TYW1B: variants seen among roughly 807,000 people sequenced by gnomAD.
The protein encoded by TYW1B is tRNA-yW synthesizing protein 1 homolog B, also known as S-adenosyl-L-methionine-dependent tRNA 4-demethylwyosine synthase TYW1B.
TYW1B carries 73 observed loss-of-function variants against 86.9 expected under a neutral mutation model. The observed-to-expected ratio is 0.84, with a 90% CI of 0.70 to 1.02. TYW1B has a LOEUF of 1.02. Ranked by LOEUF, TYW1B falls within the 50% of genes least tolerant of loss-of-function variation. The pLI, the probability that TYW1B is intolerant of heterozygous loss-of-function variation, is 0.00. For missense variants in TYW1B, 637 were observed against 827.4 expected, an observed-to-expected ratio of 0.77 and a Z score of 2.82; for synonymous variants, 248 against 292.8, an observed-to-expected ratio of 0.85 and a Z score of 1.56.
intron 13 of TYW1B, among the ~76,000 whole-genome samples, chr7:72,582,183 T>C (rs1431057461): frequency 3.3e-5 from 5 of 151,686 alleles, no homozygotes; most frequent in Non-Finnish European, 7.4e-5. Flanking sequence ...GAAGAGAGGA[T>C]ATATTCGTTG....
chr7:72,818,056 A>G (rs1181170904), intron 2 of TYW1B, among the ~76,000 whole-genome samples: 1 of 148,330 alleles, frequency 6.7e-6, no homozygotes, highest in Non-Finnish European at 1.5e-5. Flanking sequence ...TTCTTGCCCT[A>G]TCAGTTCATA....
chr7:72,586,739 AAATAATAAT>A (rs375819364), intron 13 of TYW1B, among the ~76,000 whole-genome samples: 106 of 148,656 alleles, frequency 7.1e-4, no homozygotes, highest in Admixed American at 5.3e-3. Flanking sequence ...GCCCATCTCA[AAATAATAAT>A]AATAATAATA....
At chr7:72,653,463 C>G (rs1312638771) in intron 11 of TYW1B, among the ~76,000 whole-genome samples, 8 of 151,998 alleles carry the variant, frequency 5.3e-5, no homozygotes, top group Non-Finnish European at 1.5e-5. Context: ...AAAAATTAGC[C>G]AGGCGTGGTG....
chr7:72,801,375 A>T (rs1788401545), intron 6 of TYW1B, among the ~76,000 whole-genome samples: 1 of 152,180 alleles, frequency 6.6e-6, no homozygotes, highest in Non-Finnish European at 1.5e-5. Flanking sequence ...TTGATCCTTT[A>T]TGTAGCTAGT....
Position 72,663,761 on chromosome 7 carries a change from C to CAAA in TYW1B, c.1506+30923_1506+30925dup, listed in dbSNP as rs1177247717. On this transcript the variant is annotated intron_variant, in intron 11 of 13. Coordinates refer to ENST00000620995, the MANE Select transcript of TYW1B (RefSeq NM_001145440.3). ...CCTGGGAGACAGCAAGACTCCATCTCAAAAAAAAAAAAAAAAAAAAAAAAT... is the reference window on the plus strand; with the variant it reads ...CCTGGGAGACAGCAAGACTCCATCTCAAAAAAAAAAAAAAAAAAAAAAAAAAAT... Among the ~76,000 whole-genome samples the CAAA allele has an allele frequency of 1.6e-3, 93 of 57,484 alleles. 1 individual carries two copies. Among genetic ancestry groups the CAAA allele is most frequent in the South Asian group, 2.9e-3 (3 of 1,040 alleles). 37.7% of individuals were successfully genotyped at this position (57,484 alleles called of 152,430 possible). A position where few individuals can be genotyped will look rare whatever the true frequency, so the allele number is the denominator to read the frequency against.
intron 13 of TYW1B, among the ~76,000 whole-genome samples, chr7:72,613,273 CTT>C (rs1162280112): frequency 6.6e-6 from 1 of 151,800 alleles, no homozygotes; most frequent in African/African-American, 2.4e-5. Flanking sequence ...TAAGGACAGT[CTT>C]TGCATTTTTA....
intron 4 of TYW1B, among the ~76,000 whole-genome samples, chr7:72,808,793 C>T (rs1788543577): frequency 6.6e-6 from 1 of 152,058 alleles, no homozygotes; most frequent in Non-Finnish European, 1.5e-5. Flanking sequence ...TCCCAAAGTG[C>T]TGGCATTACA....
At chr7:72,713,275 G>A (rs576539445) in intron 10 of TYW1B, among the ~76,000 whole-genome samples, 3 of 140,030 alleles carry the variant, frequency 2.1e-5, no homozygotes, top group East Asian at 2.2e-4. Flanking sequence ...CACTCAAGCC[G>A]GGGAGACAGA....
At chr7:72,586,895 C>A (rs1481000600) in intron 13 of TYW1B, among the ~76,000 whole-genome samples, 1 of 151,996 alleles carries the variant, frequency 6.6e-6, no homozygotes, top group African/African-American at 2.4e-5. Flanking sequence ...GGGTAAAATT[C>A]ATCTATCTGC....
At chr7:72,607,466 AAG>A (rs1476230369) in intron 13 of TYW1B, among the ~76,000 whole-genome samples, 2 of 151,482 alleles carry the variant, frequency 1.3e-5, no homozygotes, top group Non-Finnish European at 2.9e-5. Flanking sequence ...GAAGAAAGAA[AAG>A]AGAAGAAGGA....
intron 11 of TYW1B, among the ~76,000 whole-genome samples, chr7:72,692,031 C>A (rs1814178077): frequency 6.6e-6 from 1 of 151,192 alleles, no homozygotes; most frequent in African/African-American, 2.4e-5. Context: ...CATGGTGAAA[C>A]CCCATCTCTA....
At chr7:72,718,606 C>T (rs1355298848) in intron 9 of TYW1B, among the ~76,000 whole-genome samples, 2 of 151,942 alleles carry the variant, frequency 1.3e-5, no homozygotes, top group African/African-American at 4.8e-5. Flanking sequence ...GAATGTATTT[C>T]GTGTCAGTAT....
intron 11 of TYW1B, among the ~76,000 whole-genome samples, chr7:72,657,021 A>G (rs1346604441): frequency 6.6e-6 from 1 of 152,208 alleles, no homozygotes; most frequent in Non-Finnish European, 1.5e-5. Context: ...TCCAAAGGAA[A>G]ATCGTAATTC....
At chr7:72,667,048 A>AAAG (rs1554445447) in intron 11 of TYW1B, among the ~76,000 whole-genome samples, 1 of 131,370 alleles carries the variant, frequency 7.6e-6, no homozygotes, top group Non-Finnish European at 1.6e-5. Flanking sequence ...AAAAAAAAAA[A>AAAG]AAAGAAACTA....
At chr7:72,639,415 C>T (rs1446491102) in intron 11 of TYW1B, among the ~76,000 whole-genome samples, 6 of 152,054 alleles carry the variant, frequency 3.9e-5, no homozygotes, top group Admixed American at 3.9e-4. Flanking sequence ...GATCCTCCTA[C>T]CTTGAACTCC....
At chr7:72,816,372 A>AAAAT (rs574541703) in intron 2 of TYW1B, among the ~76,000 whole-genome samples, 2 of 152,118 alleles carry the variant, frequency 1.3e-5, no homozygotes, top group African/African-American at 4.8e-5. Context: ...CTCCATCTCC[A>AAAAT]AAATAAATAA....
chr7:72,574,718 G>A lies in TYW1B; in HGVS notation c.*780C>T, dbSNP rs1302750204. 34 of 985,362 alleles carry A rather than the reference G, an allele frequency of 3.5e-5. No individual in the cohort carries two copies. Among genetic ancestry groups the A allele is most frequent in the East Asian group, 1.1e-4 (1 of 8,812 alleles). 61.0% of individuals were successfully genotyped at this position (985,362 alleles called of 1,614,324 possible). On this transcript the variant is annotated 3_prime_UTR_variant, in exon 14 of 14. Transcript: ENST00000620995. ...CGTCTGGTCGTGATATGAGAGGCCC[G>A]GACAGTGACCTCACGAACAAAAAGA...
intron 7 of TYW1B, among the ~76,000 whole-genome samples, chr7:72,774,451 C>A (rs564299143): frequency 6.3e-4 from 96 of 151,480 alleles, no homozygotes; most frequent in Non-Finnish European, 9.4e-4. Flanking sequence ...GGCCAGGCAC[C>A]GTGGCTCAAG....
At chr7:72,731,289 C>T (rs1554459876) in intron 8 of TYW1B, among the ~76,000 whole-genome samples, 1 of 146,910 alleles carries the variant, frequency 6.8e-6, no homozygotes, top group African/African-American at 2.5e-5. Context: ...TGATTATTAC[C>T]ATCATGAAAA....
Sources: allele counts gnomAD v4.1 joint callset (sites outside exome capture counted in the v4.1 genomes callset), GRCh38; gene constraint gnomAD v4.1.1; transcripts MANE v1.5; gene names NCBI Gene and HGNC (gene_info 2026-07-23, HGNC 2026-07-21).